TRPM3: variants seen among roughly 807,000 people sequenced by gnomAD.
The protein encoded by TRPM3 is long transient receptor potential channel 3.
A neutral mutation model predicts 181.2 loss-of-function variants in TRPM3; 77 were observed. That is an observed-to-expected ratio of 0.42 (90% CI 0.35 to 0.51). The LOEUF is 0.51. Among genes scored for constraint, TRPM3 ranks in the 20% least tolerant of loss-of-function variants. TRPM3 has a pLI of 0.01. For missense variants in TRPM3, 1,759 were observed against 2,196.7 expected (o/e 0.80, Z 3.98); for synonymous variants, 745 against 796.4 (o/e 0.94, Z 1.09).
intron 1 of TRPM3, among the ~76,000 whole-genome samples, chr9:70,974,660 C>CG (rs1446663787): frequency 6.6e-6 from 1 of 150,764 alleles, no homozygotes; most frequent in Non-Finnish European, 1.5e-5. Flanking sequence ...ACCCAGGAGG[C>CG]GGGGTTTGCA....
intron 1 of TRPM3, among the ~76,000 whole-genome samples, chr9:71,395,963 T>C (rs1240513194): frequency 2.0e-5 from 3 of 152,074 alleles, no homozygotes; most frequent in African/African-American, 7.2e-5. Context: ...GTGAAGGAAA[T>C]GTTCAGGAAA....
In TRPM3 at chr9:70,574,683, G is replaced by A. The variant is rs76385458; in HGVS notation, c.3223+16348C>T. Among the ~76,000 whole-genome samples the A allele has an allele frequency of 3.9e-4, 59 of 152,314 alleles. 1 individual carries two copies. In the East Asian group the frequency reaches 0.011, roughly 29 times the overall value. On this transcript the variant is annotated intron_variant, in intron 22 of 25. Coordinates refer to ENST00000677713, the MANE Select transcript of TRPM3 (RefSeq NM_001366145.2). ...TTACTAATCCCCATTACGCAGGAGA[G>A]TGCCTGGAACAGAGTTGTTTCCAAA... is the stretch of plus-strand genomic sequence containing the variant.
At chr9:70,768,637 T>C (rs2079595439) in intron 7 of TRPM3, among the ~76,000 whole-genome samples, 2 of 152,054 alleles carry the variant, frequency 1.3e-5, no homozygotes, top group Admixed American at 1.3e-4. Flanking sequence ...TGGAAATGAT[T>C]GGGCCAGGTG....
At position 71,421,001 on chromosome 9, in the gene TRPM3, G is replaced by GAGAGAGAAAAAGAGAGAAAA. The variant is rs1563912691; in HGVS notation, c.183+25651_183+25652insTTTTCTCTCTTTTTCTCTCT. 6.5e-3 allele frequency among the ~76,000 whole-genome samples: 797 copies of GAGAGAGAAAAAGAGAGAAAA among 122,960 alleles called. 47 individuals carry two copies. The highest frequency in any genetic ancestry group is 0.021 in the African/African-American group (702 of 32,806). The allele number at this position is 122,960 out of a possible 152,430, so 80.7% of individuals were successfully genotyped here. On this transcript the variant is annotated intron_variant, in intron 1 of 24. Coordinates refer to the TRPM3 transcript ENST00000357533. ...AGAGAGAGAAAAAGAGAGAGAAAAA[G>GAGAGAGAAAAAGAGAGAAAA]AGAGAAAAAGAGAGAAAAAGAGAGA...
At chr9:70,764,042 C>A (rs1419652733) in intron 7 of TRPM3, among the ~76,000 whole-genome samples, 1 of 151,956 alleles carries the variant, frequency 6.6e-6, no homozygotes, top group Non-Finnish European at 1.5e-5. Flanking sequence ...AAGAGTGGAA[C>A]AAAATAGGGC....
intron 1 of TRPM3, among the ~76,000 whole-genome samples, chr9:71,432,620 G>A (rs1421448792): frequency 6.6e-6 from 1 of 152,046 alleles, no homozygotes; most frequent in Non-Finnish European, 1.5e-5. Context: ...AGTATCTAAT[G>A]CTTTTAAATG....
intron 1 of TRPM3, among the ~76,000 whole-genome samples, chr9:71,025,503 T>G (rs769493805): frequency 3.9e-5 from 6 of 152,208 alleles, no homozygotes; most frequent in Non-Finnish European, 8.8e-5. Flanking sequence ...GAATGAACTA[T>G]AATATGATCT....
chr9:70,922,986 C>T lies in TRPM3; in HGVS notation c.178-58475G>A, dbSNP rs77715065. On this transcript the variant is annotated intron_variant, in intron 1 of 25. Coordinates refer to ENST00000677713, the MANE Select transcript of TRPM3 (RefSeq NM_001366145.2). The stretch of plus-strand genomic sequence containing the variant: ...CATCTGAAACAGTGTAATTGATCCA[C>T]GTATCAAAAGTAATGGCCACCAAGA... Among the ~76,000 whole-genome samples the T allele has an allele frequency of 3.3e-3, 497 of 152,206 alleles. 6 individuals are homozygous for T. Among genetic ancestry groups the T allele is most frequent in the African/African-American group, 0.011 (457 of 41,514 alleles).
At chr9:71,294,846 A>G (rs1259970171) in intron 1 of TRPM3, among the ~76,000 whole-genome samples, 1 of 152,190 alleles carries the variant, frequency 6.6e-6, no homozygotes. Context: ...ATGAATCTCA[A>G]AGCAAAAAAC....
At chr9:70,674,513 A>G (rs989849374) in intron 9 of TRPM3, among the ~76,000 whole-genome samples, 6 of 152,150 alleles carry the variant, frequency 3.9e-5, no homozygotes, top group African/African-American at 1.4e-4. Flanking sequence ...TCTAGTTAAT[A>G]GAGTTGGGAG....
chr9:70,769,739 T>C (rs1458149158), intron 7 of TRPM3, among the ~76,000 whole-genome samples: 1 of 151,920 alleles, frequency 6.6e-6, no homozygotes, highest in African/African-American at 2.4e-5. Context: ...ATTATTTTAT[T>C]GCATGGAAAT....
At chr9:70,837,116 T>C (rs1321825689) in intron 5 of TRPM3, among the ~76,000 whole-genome samples, 1 of 152,178 alleles carries the variant, frequency 6.6e-6, no homozygotes, top group Non-Finnish European at 1.5e-5. Context: ...CCCAGATACA[T>C]CTTATCTAAT....
intron 1 of TRPM3, among the ~76,000 whole-genome samples, chr9:70,952,618 A>T (rs2097015990): frequency 6.6e-6 from 1 of 152,188 alleles, no homozygotes; most frequent in African/African-American, 2.4e-5. Flanking sequence ...GTAAAAATTC[A>T]TCTGGAAGAT....
intron 12 of TRPM3, among the ~76,000 whole-genome samples, chr9:70,629,336 TTTTG>T (rs1229634605): frequency 2.6e-5 from 4 of 151,690 alleles, no homozygotes; most frequent in South Asian, 2.1e-4. Flanking sequence ...TTTTGTTTTG[TTTTG>T]TTTTTTTCTT....
At chr9:70,611,793 G>T (rs1483206063) in intron 18 of TRPM3, among the ~76,000 whole-genome samples, 2 of 152,142 alleles carry the variant, frequency 1.3e-5, no homozygotes, top group Non-Finnish European at 2.9e-5. Context: ...TTCCATTCAG[G>T]CCTGACCTGG....
intron 19 of TRPM3, among the ~76,000 whole-genome samples, chr9:70,606,370 G>A (rs1397514350): frequency 1.3e-5 from 2 of 151,502 alleles, no homozygotes; most frequent in African/African-American, 4.9e-5. Flanking sequence ...CTCATTATTG[G>A]TTATGTTTCC....
chr9:70,940,618 T>TG (rs1389984586), intron 1 of TRPM3, among the ~76,000 whole-genome samples: 1 of 152,098 alleles, frequency 6.6e-6, no homozygotes, highest in Non-Finnish European at 1.5e-5. Context: ...ATAAATAGTG[T>TG]GAAAGAAATA....
intron 7 of TRPM3, among the ~76,000 whole-genome samples, chr9:70,768,146 C>A (rs1216538741): frequency 1.3e-5 from 2 of 152,180 alleles, no homozygotes; most frequent in African/African-American, 4.8e-5. Context: ...AATTGCCTTA[C>A]TTTGAATTTT....
At position 71,422,010 on chromosome 9, in the gene TRPM3, T is replaced by C. The variant is rs7028284; in HGVS notation, c.183+24643A>G. On this transcript the variant is annotated intron_variant, in intron 1 of 24. Transcript: ENST00000357533. ...TGTTGTTTTTTTTGAAGATGCTACA[T>C]AAGTCAGAGTTCTAAGCCAGCTCTT... is the stretch of plus-strand genomic sequence containing the variant. Among the ~76,000 whole-genome samples, 744 of 152,078 alleles carry C rather than the reference T, an allele frequency of 4.9e-3. 6 individuals are homozygous for C. Among genetic ancestry groups the C allele is most frequent in the African/African-American group, 0.017 (710 of 41,524 alleles).
Sources: allele counts gnomAD v4.1 joint callset (sites outside exome capture counted in the v4.1 genomes callset), GRCh38; gene constraint gnomAD v4.1.1; transcripts MANE v1.5; gene names NCBI Gene and HGNC (gene_info 2026-07-23, HGNC 2026-07-21).